CDK14: variants seen among roughly 807,000 people sequenced by gnomAD.
CDK14 encodes cyclin dependent kinase 14.
Under a neutral mutation model 60.7 loss-of-function variants are expected in CDK14, and 34 were observed. The ratio of observed to expected loss-of-function variants is 0.56; its 90% CI spans 0.43 to 0.75. The LOEUF (loss-of-function observed/expected upper bound fraction) is 0.75, where lower values mean the gene tolerates loss of function less well. Ranked by LOEUF, CDK14 falls within the 30% of genes least tolerant of loss-of-function variation. CDK14 has a pLI of 0.00. For synonymous variants in CDK14, 197 were observed against 203.7 expected (o/e 0.97, Z 0.28); for missense variants, 482 against 564.1 (o/e 0.85, Z 1.47).
chr7:90,904,993 A>C (rs1584108377), intron 7 of CDK14, among the ~76,000 whole-genome samples: 1 of 152,190 alleles, frequency 6.6e-6, no homozygotes, highest in Admixed American at 6.5e-5. Flanking sequence ...CCATTTTCAG[A>C]TGCACAAGGA....
At chr7:90,834,578 G>A (rs1162339523) in intron 5 of CDK14, among the ~76,000 whole-genome samples, 2 of 152,190 alleles carry the variant, frequency 1.3e-5, no homozygotes, top group Non-Finnish European at 2.9e-5. Context: ...TGGGTTTTTA[G>A]TAGACTGGGA....
chr7:90,977,004 A>C (rs1358084569), intron 9 of CDK14, among the ~76,000 whole-genome samples: 1 of 152,092 alleles, frequency 6.6e-6, no homozygotes, highest in Non-Finnish European at 1.5e-5. Context: ...TTGATGTCTT[A>C]TTCATGAAAT....
chr7:90,989,256 G>A (rs1333432794), intron 10 of CDK14, among the ~76,000 whole-genome samples: 1 of 152,070 alleles, frequency 6.6e-6, no homozygotes, highest in East Asian at 1.9e-4. Context: ...AGAATGTAAG[G>A]GAAAGCTGAT....
intron 10 of CDK14, among the ~76,000 whole-genome samples, chr7:91,007,123 T>C (rs1368513282): frequency 6.6e-6 from 1 of 152,152 alleles, no homozygotes; most frequent in Non-Finnish European, 1.5e-5. Context: ...GCTCCAGAAC[T>C]CTTGAACCAG....
chr7:90,876,063 ATAT>A (rs1172405827), intron 6 of CDK14, among the ~76,000 whole-genome samples: 1 of 152,112 alleles, frequency 6.6e-6, no homozygotes, highest in Non-Finnish European at 1.5e-5. Context: ...TCTCTCTTGA[ATAT>A]TTGAGGCTTT....
At chr7:91,168,240 G>A (rs930723283) in intron 14 of CDK14, among the ~76,000 whole-genome samples, 2 of 139,254 alleles carry the variant, frequency 1.4e-5, no homozygotes, top group African/African-American at 5.6e-5. Flanking sequence ...CCAGCCTGGC[G>A]ACAGTGTGAG....
rs566134144 is a variant in CDK14 at position 90,655,184 on chromosome 7, G to A, written c.123+50935G>A. The stretch of plus-strand genomic sequence containing the variant: ...ACAGCTCATTTCATTTTATCACTGA[G>A]TGGTATTCCATTGTATGGATGTACC... On this transcript the variant is annotated intron_variant, in intron 2 of 14. Transcript: ENST00000380050. Among the ~76,000 whole-genome samples the A allele has an allele frequency of 1.3e-3, 195 of 152,268 alleles. 1 individual carries two copies. The highest frequency in any genetic ancestry group is 2.4e-3 in the Non-Finnish European group (164 of 68,006).
chr7:90,617,621 A>G lies in CDK14; in HGVS notation c.123+13372A>G, dbSNP rs1002667608. Among the ~76,000 whole-genome samples the G allele has an allele frequency of 3.9e-5, 6 of 152,164 alleles. No individual in the cohort carries two copies. In the East Asian group the frequency reaches 5.8e-4, roughly 15 times the overall value. On this transcript the variant is annotated intron_variant, in intron 2 of 14. Coordinates refer to ENST00000380050, the MANE Select transcript of CDK14 (RefSeq NM_001287135.2). The stretch of plus-strand genomic sequence containing the variant: ...ACTAAATAATGTTGCTGAAGAGAAC[A>G]TGGTTGATTAGTCGTTGTGAAATCA...
intron 8 of CDK14, among the ~76,000 whole-genome samples, chr7:90,931,627 AC>A (rs1793593820): frequency 6.6e-6 from 1 of 152,204 alleles, no homozygotes; most frequent in African/African-American, 2.4e-5. Flanking sequence ...GAGGAAAACT[AC>A]TGTTTTGTCT....
chr7:90,624,566 G>C (rs1799837575), intron 2 of CDK14, among the ~76,000 whole-genome samples: 2 of 152,186 alleles, frequency 1.3e-5, no homozygotes, highest in Non-Finnish European at 2.9e-5. Context: ...GTTTGGCTAA[G>C]AGGAAAGAGA....
At chr7:90,644,556 A>G (rs1435457312) in intron 2 of CDK14, among the ~76,000 whole-genome samples, 3 of 152,232 alleles carry the variant, frequency 2.0e-5, no homozygotes, top group African/African-American at 7.2e-5. Flanking sequence ...CCACAAGTAG[A>G]CTACAAACTC....
At chr7:90,733,111 C>A (rs28749306) in intron 3 of CDK14, among the ~76,000 whole-genome samples, 4 of 152,140 alleles carry the variant, frequency 2.6e-5, no homozygotes, top group African/African-American at 9.7e-5. Context: ...AGTAGTCATT[C>A]GGGAGCAGGT....
chr7:91,177,942 C>G (rs1415541612), intron 14 of CDK14, among the ~76,000 whole-genome samples: 1 of 143,288 alleles, frequency 7.0e-6, no homozygotes, highest in Admixed American at 7.2e-5. Flanking sequence ...CCTTTCTTCA[C>G]AGAATTGGAA....
At chr7:90,830,416 G>A (rs1789877456) in intron 5 of CDK14, among the ~76,000 whole-genome samples, 1 of 152,194 alleles carries the variant, frequency 6.6e-6, no homozygotes, top group South Asian at 2.1e-4. Context: ...CATGTCCCAA[G>A]GCTGCACAGA....
intron 5 of CDK14, among the ~76,000 whole-genome samples, chr7:90,833,926 C>T (rs1033192503): frequency 6.6e-6 from 1 of 152,084 alleles, no homozygotes; most frequent in Non-Finnish European, 1.5e-5. Context: ...AGAATGTAAA[C>T]TTTGGATATT....
chr7:91,045,785 A>G (rs1203633611), intron 10 of CDK14, 112 bp from the exon 11 acceptor site: 1 of 664,812 alleles, frequency 1.5e-6, no homozygotes, highest in East Asian at 2.7e-5. Context: ...CGATAATGGA[A>G]AAAAAAATAC....
chr7:90,935,246 A>G (rs1031863448), intron 8 of CDK14, among the ~76,000 whole-genome samples: 3 of 152,182 alleles, frequency 2.0e-5, no homozygotes, highest in African/African-American at 7.2e-5. Flanking sequence ...ACCTGATCAG[A>G]TTTTAAATGT....
At chr7:91,023,018 T>A (rs28685754) in intron 10 of CDK14, among the ~76,000 whole-genome samples, 16,710 of 138,064 alleles carry the variant, frequency 0.12, 1,038 homozygotes, top group African/African-American at 0.16. Context: ...GTATATATTT[T>A]TTTTTTTTCG....
In CDK14 at chr7:90,899,366, C is replaced by T. The variant is rs760921761; in HGVS notation, c.702+13C>T. 1 of 1,584,406 alleles carries T rather than the reference C, an allele frequency of 6.3e-7. No individual in the cohort carries two copies. The highest frequency in any genetic ancestry group is 1.2e-5 in the South Asian group (1 of 85,710). On this transcript the variant is annotated intron_variant, in intron 7 of 14. Transcript: ENST00000380050. ...AGATAATGTGAAGGTAGGAAAAGAT[C>T]TTTTTAAGCCAAAGGTTAGCATTCT...
Sources: gnomAD v4.1 joint callset for allele counts (sites outside exome capture counted in the v4.1 genomes callset) on GRCh38, gnomAD v4.1.1 for gene constraint, MANE v1.5 for transcripts, NCBI Gene and HGNC (gene_info 2026-07-23, HGNC 2026-07-21) for gene names.